The following PCDHGB3 variants were observed in gnomAD, a reference collection of about 807,000 sequenced individuals.
PCDHGB3 encodes the protein protocadherin gamma subfamily B, 3, also known as protocadherin gamma-B3.
In PCDHGB3, 40 loss-of-function variants were observed where a neutral mutation model predicts 59.2. The observed-to-expected ratio is 0.68, with a 90% CI of 0.52 to 0.88. The LOEUF (loss-of-function observed/expected upper bound fraction) is 0.88, where lower values mean the gene tolerates loss of function less well. Ranked by LOEUF, PCDHGB3 falls within the 40% of genes least tolerant of loss-of-function variation. The probability of loss-of-function intolerance (pLI) is 0.00; values close to 1 mark genes in which losing one functional copy is unlikely to be tolerated. For missense variants in PCDHGB3, 1,309 were observed against 1,187.9 expected (o/e 1.10, Z -1.50); for synonymous variants, 581 against 503.6 (o/e 1.15, Z -2.06).
Position 141,491,248 on chromosome 5 carries a change from G to T in PCDHGB3, c.2416-3559G>T, listed in dbSNP as rs757712577. On this transcript the variant is annotated intron_variant, in intron 1 of 3. Transcript: ENST00000576222. The surrounding 1 kb of genome is among the most constrained non-coding windows in gnomAD (Gnocchi z 6.9). ...AGTGCTGCTGGTTCTGGAGGATGAG[G>T]ACCCTGAGGAAATGCCCAAATCCAG... 3 of 1,614,170 alleles carry T rather than the reference G, an allele frequency of 1.9e-6. No individual in the cohort carries two copies. Among genetic ancestry groups the T allele is most frequent in the Non-Finnish European group, 2.5e-6 (3 of 1,180,018 alleles).
intron 1 of PCDHGB3, among the ~76,000 whole-genome samples, chr5:141,453,080 A>T (rs1323212808): frequency 6.6e-6 from 1 of 151,960 alleles, no homozygotes; most frequent in Non-Finnish European, 1.5e-5. Context: ...ACTCTGGTTG[A>T]TTAGTATATT....
chr5:141,394,520 A>G, intron 1 of PCDHGB3: 4 of 1,614,190 alleles, frequency 2.5e-6, no homozygotes, highest in African/African-American at 1.3e-5. Context: ...CCCTCCCCAC[A>G]GACGGTTCCA....
At chr5:141,381,022 G>T (rs1326220507) in intron 1 of PCDHGB3, among the ~76,000 whole-genome samples, 2 of 152,148 alleles carry the variant, frequency 1.3e-5, no homozygotes, top group African/African-American at 4.8e-5. Flanking sequence ...ACCTCTATTA[G>T]TTCCTTTAAA....
At position 141,432,289 on chromosome 5, in the gene PCDHGB3, C is replaced by A. The variant is rs762278053; in HGVS notation, c.2415+59480C>A. 2 of 1,614,148 alleles carry A rather than the reference C, an allele frequency of 1.2e-6. No individual in the cohort carries two copies. Among genetic ancestry groups the A allele is most frequent in the African/African-American group, 2.7e-5 (2 of 74,952 alleles). On this transcript the variant is annotated intron_variant, in intron 1 of 3. Coordinates refer to ENST00000576222, the MANE Select transcript of PCDHGB3 (RefSeq NM_018924.5). The surrounding 1 kb of genome is among the most constrained non-coding windows in gnomAD (Gnocchi z 6.0). ...CGTCCTACGTGTCCATCAACTCCGA[C>A]ACTGGGGTACTGTATGCGCTGAGCT...
chr5:141,477,600 T>A lies in PCDHGB3; in HGVS notation c.2416-17207T>A, dbSNP rs746047124. The A allele has an allele frequency of 6.2e-6, 10 of 1,614,146 alleles. No homozygotes were observed. The highest frequency in any genetic ancestry group is 7.6e-6 in the Non-Finnish European group (9 of 1,180,026). ...CCGCAGAATGCTCGGCTTTCTTTCT[T>A]TCTCTTGGAGCAAGGAGCTGAAACC... On this transcript the variant is annotated intron_variant, in intron 1 of 3. Coordinates refer to ENST00000576222, the MANE Select transcript of PCDHGB3 (RefSeq NM_018924.5). This position sits in a 1 kb window ranked among gnomAD's most constrained non-coding sequence, Gnocchi z 4.9.
rs2094321391 is a variant in PCDHGB3, at chr5:141,402,912, G to GCTTCATCA, written c.2415+30104_2415+30105insTTCATCAC. ...AAGAAAGAACCTGATGAAGCAGCGCGCACAGAGATCCTTTTGAGAAAATTC... is the reference window on the plus strand; with the variant it reads ...AAGAAAGAACCTGATGAAGCAGCGCGCTTCATCACACAGAGATCCTTTTGAGAAAATTC... On this transcript the variant is annotated intron_variant, in intron 1 of 3. Coordinates refer to ENST00000576222, the MANE Select transcript of PCDHGB3 (RefSeq NM_018924.5). 6 of 1,553,880 alleles carry GCTTCATCA rather than the reference G, an allele frequency of 3.9e-6. No individual in the cohort carries two copies. In the African/African-American group the frequency reaches 8.2e-5, roughly 21 times the overall value.
chr5:141,406,732 G>A (rs1190275382), intron 1 of PCDHGB3, among the ~76,000 whole-genome samples: 1 of 152,142 alleles, frequency 6.6e-6, no homozygotes, highest in Non-Finnish European at 1.5e-5. Context: ...TCTAAGACTG[G>A]ACACTGTGAA....
At chr5:141,399,497 T>C in intron 1 of PCDHGB3, 1 of 1,614,030 alleles carries the variant, frequency 6.2e-7, no homozygotes, top group Non-Finnish European at 8.5e-7. Flanking sequence ...TTAGTCAGTG[T>C]ACCCGAAAAC....
In PCDHGB3 at chr5:141,493,026, C is replaced by T. The variant is rs73280358; in HGVS notation, c.2416-1781C>T. 6.6e-6 allele frequency among the ~76,000 whole-genome samples: 1 copy of T among 152,190 alleles called. No individual in the cohort carries two copies. The highest frequency in any genetic ancestry group is 1.5e-5 in the Non-Finnish European group (1 of 68,034). Reference sequence around the variant, plus strand: ...TAGGCTCTGCCAGATGCCAGGGTGCCCTTATGTGTGAGGAAACTACAATAG... The same window carrying T: ...TAGGCTCTGCCAGATGCCAGGGTGCTCTTATGTGTGAGGAAACTACAATAG... On this transcript the variant is annotated intron_variant, in intron 1 of 3. Coordinates refer to ENST00000576222, the MANE Select transcript of PCDHGB3 (RefSeq NM_018924.5). This position sits in a 1 kb window ranked among gnomAD's most constrained non-coding sequence, Gnocchi z 4.3.
chr5:141,466,278 T>G (rs1459665755), intron 1 of PCDHGB3, among the ~76,000 whole-genome samples: 1 of 152,128 alleles, frequency 6.6e-6, no homozygotes, highest in Non-Finnish European at 1.5e-5. Context: ...TCAAGCAATC[T>G]TCCCACCTCA....
intron 1 of PCDHGB3, chr5:141,389,415 G>A (rs915246049): frequency 1.9e-6 from 3 of 1,613,598 alleles, no homozygotes; most frequent in Non-Finnish European, 2.5e-6. Context: ...GGAGAGCGGG[G>A]TGGTGTTCGC....
intron 1 of PCDHGB3, among the ~76,000 whole-genome samples, chr5:141,463,095 G>C (rs1299676667): frequency 6.6e-6 from 1 of 152,098 alleles, no homozygotes; most frequent in African/African-American, 2.4e-5. Context: ...AGCCCTATGT[G>C]ACCATCAAGA....
In PCDHGB3 at chr5:141,432,399, C is replaced by T. The variant is rs2097496727; in HGVS notation, c.2415+59590C>T. ...CACCCGCCCCTCAGCAGCAACGTGT[C>T]GTTGAGCCTGTTCGTGCTGGACCAG... is the stretch of plus-strand genomic sequence containing the variant. On this transcript the variant is annotated intron_variant, in intron 1 of 3. Coordinates refer to ENST00000576222, the MANE Select transcript of PCDHGB3 (RefSeq NM_018924.5). This position sits in a 1 kb window ranked among gnomAD's most constrained non-coding sequence, Gnocchi z 6.0. 1.2e-6 allele frequency: 2 copies of T among 1,614,240 alleles called. No homozygotes were observed. Among genetic ancestry groups the T allele is most frequent in the Non-Finnish European group, 1.7e-6 (2 of 1,180,040 alleles).
chr5:141,464,583 C>T (rs768431243), intron 1 of PCDHGB3, among the ~76,000 whole-genome samples: 6 of 152,024 alleles, frequency 3.9e-5, no homozygotes, highest in Admixed American at 2.0e-4. Context: ...TGAGAATGTC[C>T]ATTGTCCCAT....
chr5:141,433,228 C>G (rs2097577964), intron 1 of PCDHGB3: 7 of 1,522,184 alleles, frequency 4.6e-6, no homozygotes, highest in Non-Finnish European at 5.4e-6. Flanking sequence ...TTTAATTGCT[C>G]TGTCTCCCAA....
intron 1 of PCDHGB3, among the ~76,000 whole-genome samples, chr5:141,444,312 C>G (rs2098431691): frequency 6.6e-6 from 1 of 151,856 alleles, no homozygotes; most frequent in Non-Finnish European, 1.5e-5. Flanking sequence ...GCTAGGATTA[C>G]AGGCATGTGC....
At chr5:141,385,135 G>T (rs948872903) in intron 1 of PCDHGB3, 7 of 1,614,214 alleles carry the variant, frequency 4.3e-6, no homozygotes, top group African/African-American at 2.7e-5. Context: ...CATGGACGGG[G>T]TGCAGGCTTT....
Position 141,370,981 on chromosome 5 carries a change from T to G in PCDHGB3, c.587T>G (p.Leu196Arg). The change falls in exon 1 of 4, where the codon CTG (leucine) becomes CGG (arginine). Residue 196 changes from leucine (L) to arginine (R), a missense_variant. Transcript: ENST00000576222. ...GGCAGTAGGTACCCAGAGCTAGTAC[T>G]GAAAGCACCCCTGGACAGGGAAGAG... ...LDGSRYPELV[L>R]KAPLDREEQP... 6.2e-7 allele frequency: 1 copy of G among 1,613,994 alleles called. No individual in the cohort carries two copies. Among genetic ancestry groups the G allele is most frequent in the Non-Finnish European group, 8.5e-7 (1 of 1,179,896 alleles).
At chr5:141,418,337 C>G (rs1308299122) in intron 1 of PCDHGB3, 1 of 1,613,972 alleles carries the variant, frequency 6.2e-7, no homozygotes, top group East Asian at 2.2e-5. Context: ...TGCAGAAGAT[C>G]CTGATATTAG....
Sources: allele counts gnomAD v4.1 joint callset (sites outside exome capture counted in the v4.1 genomes callset), GRCh38; gene constraint gnomAD v4.1.1; non-coding constraint Gnocchi (gnomAD v3.1); transcripts MANE v1.5; gene names NCBI Gene and HGNC (gene_info 2026-07-23, HGNC 2026-07-21).